Variants in SLC25A28 observed in about 807,000 individuals in gnomAD.
SLC25A28 encodes solute carrier family 25 member 28.
A neutral mutation model predicts 31.9 loss-of-function variants in SLC25A28; 10 were observed. The observed-to-expected ratio is 0.31, with a 90% CI of 0.19 to 0.53. The LOEUF is 0.53. Ranked by LOEUF, SLC25A28 falls within the 20% of genes least tolerant of loss-of-function variation. SLC25A28 has a pLI of 0.95. For missense variants in SLC25A28, 256 were observed against 490.3 expected (o/e 0.52, Z 4.51); for synonymous variants, 208 against 203.6 (o/e 1.02, Z -0.19).
chr10:99,651,594 C>T, the SLC25A28 span, among the ~76,000 whole-genome samples: 65 of 110,168 alleles, frequency 5.9e-4, no homozygotes, highest in Middle Eastern at 7.2e-3. Flanking sequence ...TTTTTCTTTT[C>T]TTTTTTTTTT....
At chr10:99,633,140 T>TA in the SLC25A28 span, among the ~76,000 whole-genome samples, 30 of 147,442 alleles carry the variant, frequency 2.0e-4, 1 homozygote, top group South Asian at 6.4e-4. Flanking sequence ...CATTTTCATT[T>TA]AAAAAAAAAA....
rs1212243676 is a variant in SLC25A28, at chr10:99,613,303, T to C, written c.520+393A>G. ...GTGAGGCAAAAAGCAGGGGCTTCAT[T>C]AGTATCTTCCTTGGGTGGCTGGCTG... On this transcript the variant is annotated intron_variant, in intron 2 of 3. Transcript: ENST00000370495. The surrounding 1 kb of genome is among the most constrained non-coding windows in gnomAD (Gnocchi z 4.9). 9 of 827,288 alleles carry C rather than the reference T, an allele frequency of 1.1e-5. No individual in the cohort carries two copies. Among genetic ancestry groups the C allele is most frequent in the African/African-American group, 3.7e-5 (2 of 53,908 alleles). 51.2% of individuals were successfully genotyped at this position (827,288 alleles called of 1,614,324 possible).
At chr10:99,649,781 G>C in the SLC25A28 span, among the ~76,000 whole-genome samples, 686 of 152,188 alleles carry the variant, frequency 4.5e-3, 6 homozygotes, top group South Asian at 0.015. Flanking sequence ...ATGATCTTTT[G>C]TATTTCTGTG....
chr10:99,624,944 C>A (rs1590004398), upstream of SLC25A28, among the ~76,000 whole-genome samples: 2 of 152,084 alleles, frequency 1.3e-5, no homozygotes, highest in Admixed American at 1.3e-4. Context: ...TTCTTGTATT[C>A]CAGTGTCTGG....
At position 99,611,585 on chromosome 10, in the gene SLC25A28, T is replaced by C. The variant is rs113839965; in HGVS notation, c.578-219A>G. On this transcript the variant is annotated intron_variant, in intron 3 of 3. Transcript: ENST00000370495. This position sits in a 1 kb window ranked among gnomAD's most constrained non-coding sequence, Gnocchi z 5.5. Reference sequence around the variant, plus strand: ...CGAGTCAAAAAACAATAAACCCACTTCCATCAGGACTTCTGTAAAGCCAGC... The same window carrying C: ...CGAGTCAAAAAACAATAAACCCACTCCCATCAGGACTTCTGTAAAGCCAGC... Among the ~76,000 whole-genome samples, 2,174 of 152,148 alleles carry C rather than the reference T, an allele frequency of 0.014. 60 individuals carry two copies. The highest frequency in any genetic ancestry group is 0.049 in the African/African-American group (2,038 of 41,492).
the SLC25A28 span, among the ~76,000 whole-genome samples, chr10:99,655,772 G>A: frequency 6.6e-6 from 1 of 152,022 alleles, no homozygotes; most frequent in Non-Finnish European, 1.5e-5. Flanking sequence ...TTTTGTGAGG[G>A]TATGGGCCCA....
Position 99,610,828 on chromosome 10 carries a change from CT to C in SLC25A28, c.*20del. ...GGATGCAGCAGTGTCATCTGAACCC[CT>C]GGCTTCGTTCAGTGCTACTTCACTT... On this transcript the variant is annotated 3_prime_UTR_variant, in exon 4 of 4. Coordinates refer to ENST00000370495, the MANE Select transcript of SLC25A28 (RefSeq NM_031212.4). 2 of 1,603,514 alleles carry C rather than the reference CT, an allele frequency of 1.2e-6. No homozygotes were observed. Among genetic ancestry groups the C allele is most frequent in the Non-Finnish European group, 1.7e-6 (2 of 1,173,358 alleles).
chr10:99,650,783 G>A, the SLC25A28 span, among the ~76,000 whole-genome samples: 1 of 152,002 alleles, frequency 6.6e-6, no homozygotes, highest in Admixed American at 6.5e-5. Context: ...CTCTCCCAGG[G>A]GTGTGTGAGA....
chr10:99,617,745 ACTC>A (rs1381538639), intron 1 of SLC25A28: 1 of 985,232 alleles, frequency 1.0e-6, no homozygotes, highest in Non-Finnish European at 1.2e-6. Context: ...ATTGTTGACA[ACTC>A]CTGAGCATTT....
chr10:99,612,494 G>C (rs1029656373), intron 3 of SLC25A28, 49 bp downstream of exon 3: 1 of 1,597,332 alleles, frequency 6.3e-7, no homozygotes, highest in East Asian at 2.2e-5. Flanking sequence ...AAACTGTAAA[G>C]AAATACAGGT....
the SLC25A28 span, among the ~76,000 whole-genome samples, chr10:99,653,452 C>A: frequency 6.6e-6 from 1 of 152,186 alleles, no homozygotes; most frequent in African/African-American, 2.4e-5. Flanking sequence ...ATCTTGTTTG[C>A]AACCTCATGA....
At chr10:99,644,680 C>G in the SLC25A28 span, among the ~76,000 whole-genome samples, 2 of 152,172 alleles carry the variant, frequency 1.3e-5, no homozygotes, top group African/African-American at 4.8e-5. Flanking sequence ...CATGTTTTTG[C>G]AGTGGCTGGT....
At chr10:99,615,701 T>C in intron 1 of SLC25A28, 2 of 985,420 alleles carry the variant, frequency 2.0e-6, no homozygotes, top group South Asian at 4.7e-5. Flanking sequence ...ATAAAATCCA[T>C]CAGAAGAGTT....
the SLC25A28 span, among the ~76,000 whole-genome samples, chr10:99,632,832 G>C: frequency 6.6e-6 from 1 of 152,086 alleles, no homozygotes; most frequent in Non-Finnish European, 1.5e-5. Context: ...CTTACTTTGG[G>C]ACTAGGTCAT....
upstream of SLC25A28, chr10:99,622,795 T>C (rs2034820484): frequency 9.3e-6 from 6 of 643,340 alleles, no homozygotes; most frequent in South Asian, 4.2e-4. Flanking sequence ...GTTGTCCTCA[T>C]TGGAACCCTA....
chr10:99,652,824 T>G, the SLC25A28 span, among the ~76,000 whole-genome samples: 1 of 152,174 alleles, frequency 6.6e-6, no homozygotes, highest in Non-Finnish European at 1.5e-5. Flanking sequence ...TTTTTCAAAT[T>G]TTCAATCATC....
chr10:99,612,915 T>G (rs2034563393), intron 2 of SLC25A28, among the ~76,000 whole-genome samples: 1 of 152,188 alleles, frequency 6.6e-6, no homozygotes, highest in Non-Finnish European at 1.5e-5. Flanking sequence ...CACTGCTGCC[T>G]AGGGATGCCA....
At position 99,610,773 on chromosome 10, in the gene SLC25A28, G is replaced by C; in HGVS notation, c.*76C>G. 1 of 1,530,624 alleles carries C rather than the reference G, an allele frequency of 6.5e-7. No homozygotes were observed. Among genetic ancestry groups the C allele is most frequent in the Non-Finnish European group, 8.8e-7 (1 of 1,130,348 alleles). The allele number at this position is 1,530,624 out of a possible 1,614,324, so 94.8% of individuals were successfully genotyped here. Reference sequence around the variant, plus strand: ...TTCCTTCTAACTCCACTTGAGGTGGGAGCATTCCAGGAGACAGAGAATGTG... The same window carrying C: ...TTCCTTCTAACTCCACTTGAGGTGGCAGCATTCCAGGAGACAGAGAATGTG... On this transcript the variant is annotated 3_prime_UTR_variant, in exon 4 of 4. Coordinates refer to ENST00000370495, the MANE Select transcript of SLC25A28 (RefSeq NM_031212.4).
chr10:99,638,670 C>CA, the SLC25A28 span, among the ~76,000 whole-genome samples: 1 of 152,084 alleles, frequency 6.6e-6, no homozygotes, highest in African/African-American at 2.4e-5. Context: ...AAATGGCCAA[C>CA]AAACATATGA....
Sources: allele counts gnomAD v4.1 joint callset (sites outside exome capture counted in the v4.1 genomes callset), GRCh38; gene constraint gnomAD v4.1.1; non-coding constraint Gnocchi (gnomAD v3.1); transcripts MANE v1.5; gene names NCBI Gene and HGNC (gene_info 2026-07-23, HGNC 2026-07-21).